Variants in C6 observed in about 807,000 individuals in gnomAD.
C6 encodes complement C6.
C6 carries 101 observed loss-of-function variants against 112.9 expected under a neutral mutation model. That is an observed-to-expected ratio of 0.89 (90% CI 0.76 to 1.06). The LOEUF is 1.06. Ranked by LOEUF, C6 falls within the 50% of genes least tolerant of loss-of-function variation. The pLI, the probability that C6 is intolerant of heterozygous loss-of-function variation, is 0.00. For missense variants in C6, 1,202 were observed against 1,104.6 expected, an observed-to-expected ratio of 1.09 and a Z score of -1.25; for synonymous variants, 431 against 384.1, an observed-to-expected ratio of 1.12 and a Z score of -1.43.
intron 5 of C6, among the ~76,000 whole-genome samples, chr5:41,189,240 T>G (rs867055043): frequency 1.3e-5 from 2 of 152,054 alleles, no homozygotes; most frequent in Admixed American, 1.3e-4. Flanking sequence ...ATTAAATGTA[T>G]AATTACCATA....
chr5:41,203,019 C>A, intron 2 of C6, 69 bp downstream of exon 2: 1 of 1,454,048 alleles, frequency 6.9e-7, no homozygotes, highest in Non-Finnish European at 9.7e-7. Context: ...GTGTTGCACT[C>A]CTGATGTTGC....
chr5:41,206,424 C>A (rs536816746), intron 1 of C6, among the ~76,000 whole-genome samples: 1 of 152,324 alleles, frequency 6.6e-6, no homozygotes, highest in African/African-American at 2.4e-5. Context: ...TAACAGACTT[C>A]TCTGAGCTAA....
chr5:41,190,644 C>T (rs972845425), intron 5 of C6, among the ~76,000 whole-genome samples: 1 of 152,116 alleles, frequency 6.6e-6, no homozygotes, highest in Non-Finnish European at 1.5e-5. Flanking sequence ...GTTGCTTCTG[C>T]TTTTGAAGTC....
chr5:41,193,100 A>G (rs377347317), intron 5 of C6, among the ~76,000 whole-genome samples: 1 of 152,194 alleles, frequency 6.6e-6, no homozygotes, highest in African/African-American at 2.4e-5. Flanking sequence ...TCTAAGATGC[A>G]TATTATATTC....
At position 41,142,829 on chromosome 5, in the gene C6, G is replaced by C; in HGVS notation, c.2801C>G (p.Ala934Gly). Residue 934 changes from alanine (A) to glycine (G), a missense_variant, in exon 18 of 18, where the codon GCC (alanine) becomes GGC (glycine). Physicochemically the swap from Ala to Gly is moderately conservative, Grantham distance 60. Coordinates refer to ENST00000337836, the MANE Select transcript of C6 (RefSeq NM_000065.5). ...CTGGGCCTAGCAGTAATTGTGCTAG[G>C]CCAAACACTTTCCAGGATGCAGTAT... Reference protein sequence around the residue: ...MEILHPGKCLA With the variant: ...MEILHPGKCLG 6.2e-7 allele frequency: 1 copy of C among 1,611,792 alleles called. No homozygotes were observed. Among genetic ancestry groups the C allele is most frequent in the Non-Finnish European group, 8.5e-7 (1 of 1,178,122 alleles).
Position 41,232,364 on chromosome 5 carries a change from A to T in C6, c.-21+28830T>A, listed in dbSNP as rs138909145. On this transcript the variant is annotated intron_variant, in intron 1 of 17. Transcript: ENST00000263413. ...TGTGCTAAATCTTTTGGCCTACTTC[A>T]ATTATCAGTTAGTAAATCCCTTAAA... Among the ~76,000 whole-genome samples, 756 of 152,226 alleles carry T rather than the reference A, an allele frequency of 5.0e-3. 20 individuals are homozygous for T. Among genetic ancestry groups the T allele is most frequent in the Admixed American group, 0.039 (603 of 15,272 alleles).
At chr5:41,189,443 T>C (rs763085992) in intron 5 of C6, among the ~76,000 whole-genome samples, 2 of 152,090 alleles carry the variant, frequency 1.3e-5, no homozygotes, top group South Asian at 2.1e-4. Context: ...TATTCTCTCA[T>C]ACAATGGAAT....
intron 1 of C6, among the ~76,000 whole-genome samples, chr5:41,206,031 G>A (rs1285727437): frequency 6.6e-6 from 1 of 152,202 alleles, no homozygotes; most frequent in East Asian, 1.9e-4. Context: ...TCCAGAGGAA[G>A]GATCAGGCAG....
intron 4 of C6, among the ~76,000 whole-genome samples, chr5:41,198,402 A>T (rs9292805): frequency 0.022 from 3,295 of 152,230 alleles, 118 homozygotes; most frequent in African/African-American, 0.075. Context: ...CTATGACATC[A>T]CCCAGTCCGA....
chr5:41,198,904 G>A (rs1269196274), intron 4 of C6, among the ~76,000 whole-genome samples: 1 of 152,016 alleles, frequency 6.6e-6, no homozygotes, highest in East Asian at 1.9e-4. Context: ...TTCTCATTCG[G>A]ATTTTGCTCT....
intron 15 of C6, among the ~76,000 whole-genome samples, chr5:41,152,399 TTGAA>T (rs1371756438): frequency 6.6e-6 from 1 of 152,042 alleles, no homozygotes; most frequent in Admixed American, 6.6e-5. Flanking sequence ...CCTCAGTCTA[TTGAA>T]TGAAACACAT....
chr5:41,184,762 C>T (rs955620057), intron 6 of C6, among the ~76,000 whole-genome samples: 2 of 152,096 alleles, frequency 1.3e-5, no homozygotes, highest in African/African-American at 4.8e-5. Flanking sequence ...ATGTGAGCCA[C>T]CACACCCGGC....
chr5:41,246,116 A>G (rs11951925), intron 1 of C6, among the ~76,000 whole-genome samples: 1,536 of 152,268 alleles, frequency 0.01, 31 homozygotes, highest in African/African-American at 0.034. Flanking sequence ...CTTGACTCCT[A>G]TGATGTTTAC....
At chr5:41,248,547 A>G (rs565287100) in intron 1 of C6, among the ~76,000 whole-genome samples, 1 of 152,350 alleles carries the variant, frequency 6.6e-6, no homozygotes, top group African/African-American at 2.4e-5. Context: ...GAAGACATGC[A>G]AGTGGCCAAC....
chr5:41,213,640 CAG>C (rs1265367720), upstream of C6: 8 of 719,704 alleles, frequency 1.1e-5, no homozygotes, highest in African/African-American at 1.4e-4. Flanking sequence ...GGATGTTACA[CAG>C]AGTCCTGAAT....
At position 41,158,621 on chromosome 5, in the gene C6, AC is replaced by A. The variant is rs1202925461; in HGVS notation, c.1968+52del. On this transcript the variant is annotated intron_variant, in intron 13 of 17. Transcript: ENST00000337836. Reference sequence around the variant, plus strand: ...TAACTCTAATTAAAAGACAAGCTATACTTTTCGAGGTTTTTAAAACTACAAA... The same window carrying A: ...TAACTCTAATTAAAAGACAAGCTATATTTTCGAGGTTTTTAAAACTACAAA... 3.3e-6 allele frequency: 3 copies of A among 916,572 alleles called. No homozygotes were observed. In the African/African-American group the frequency reaches 4.9e-5, roughly 15 times the overall value. The allele number at this position is 916,572 out of a possible 1,614,324, so 56.8% of individuals were successfully genotyped here. A position where few individuals can be genotyped will look rare whatever the true frequency, so the allele number is the denominator to read the frequency against.
chr5:41,172,404 A>C, intron 8 of C6, 57 bp from the exon 9 acceptor site: 2 of 1,565,518 alleles, frequency 1.3e-6, no homozygotes, highest in Non-Finnish European at 1.8e-6. Flanking sequence ...CAATTCAAAG[A>C]GGAACATGGT....
At chr5:41,209,837 G>A (rs1751750309) in intron 1 of C6, among the ~76,000 whole-genome samples, 2 of 152,184 alleles carry the variant, frequency 1.3e-5, no homozygotes, top group Non-Finnish European at 2.9e-5. Flanking sequence ...AGCTACAAAT[G>A]ACTTTCTTCA....
At chr5:41,231,470 C>G (rs1040051868) in intron 1 of C6, among the ~76,000 whole-genome samples, 10 of 152,138 alleles carry the variant, frequency 6.6e-5, no homozygotes, top group Admixed American at 5.9e-4. Context: ...CTGATGACAG[C>G]TTAACTTTGT....
Sources: allele counts gnomAD v4.1 joint callset (sites outside exome capture counted in the v4.1 genomes callset), GRCh38; gene constraint gnomAD v4.1.1; transcripts MANE v1.5; gene names NCBI Gene and HGNC (gene_info 2026-07-23, HGNC 2026-07-21).